SLC39A11: variants seen among roughly 807,000 people sequenced by gnomAD.
The protein encoded by SLC39A11 is zinc transporter ZIP11.
In SLC39A11, 33 loss-of-function variants were observed where a neutral mutation model predicts 36.1. The ratio of observed to expected loss-of-function variants is 0.91; its 90% CI spans 0.69 to 1.22. The LOEUF is 1.22. Ranked by LOEUF, SLC39A11 falls within the 50% of genes most tolerant of loss-of-function variation. The probability of loss-of-function intolerance (pLI) is 0.00; values close to 1 mark genes in which losing one functional copy is unlikely to be tolerated. For synonymous variants in SLC39A11, 166 were observed against 170.3 expected (o/e 0.97, Z 0.20); for missense variants, 432 against 430.3 (o/e 1.00, Z -0.03).
chr17:72,991,362 A>AT lies in SLC39A11; in HGVS notation c.306+40193dup, dbSNP rs567932815. 9.6e-3 allele frequency among the ~76,000 whole-genome samples: 1,397 copies of AT among 146,140 alleles called. 28 individuals carry two copies. The highest frequency in any genetic ancestry group is 0.068 in the South Asian group (316 of 4,618). ...TTTTGTTATTTTTATTTATTTTTTAATTTTTTTTTTTTTGAGATGGAGCCT... is the reference window on the plus strand; with the variant it reads ...TTTTGTTATTTTTATTTATTTTTTAATTTTTTTTTTTTTTGAGATGGAGCCT... On this transcript the variant is annotated intron_variant, in intron 4 of 9. Coordinates refer to ENST00000255559, the MANE Select transcript of SLC39A11 (RefSeq NM_139177.4).
chr17:72,953,715 C>T lies in SLC39A11; in HGVS notation c.307-5840G>A, dbSNP rs139254687. On this transcript the variant is annotated intron_variant, in intron 4 of 9. Coordinates refer to ENST00000255559, the MANE Select transcript of SLC39A11 (RefSeq NM_139177.4). Reference sequence around the variant, plus strand: ...CAGACCCTGCAGCCCTCAAACCTTGCTGCAAGCAGCTTGGTGCATCTGCTC... The same window carrying T: ...CAGACCCTGCAGCCCTCAAACCTTGTTGCAAGCAGCTTGGTGCATCTGCTC... Among the ~76,000 whole-genome samples, 764 of 152,360 alleles carry T rather than the reference C, an allele frequency of 5.0e-3. 7 individuals carry two copies. The highest frequency in any genetic ancestry group is 0.017 in the African/African-American group (695 of 41,586).
chr17:72,798,414 CTTTCTT>C (rs2076970459), intron 6 of SLC39A11, among the ~76,000 whole-genome samples: 1 of 140,634 alleles, frequency 7.1e-6, no homozygotes, highest in Non-Finnish European at 1.5e-5. Context: ...CCACTTCTTT[CTTTCTT>C]TTTTTTTTTT....
At chr17:73,003,310 C>T (rs1303470192) in intron 4 of SLC39A11, among the ~76,000 whole-genome samples, 1 of 152,190 alleles carries the variant, frequency 6.6e-6, no homozygotes, top group Non-Finnish European at 1.5e-5. Context: ...ATCATTACAA[C>T]AGAAATTGAG....
chr17:72,666,428 C>T (rs2070758008), intron 7 of SLC39A11, among the ~76,000 whole-genome samples: 1 of 152,308 alleles, frequency 6.6e-6, no homozygotes, highest in South Asian at 2.1e-4. Flanking sequence ...TTTCTACCCG[C>T]AAAACAATCT....
intron 6 of SLC39A11, among the ~76,000 whole-genome samples, chr17:72,840,137 T>C (rs898832209): frequency 2.8e-5 from 4 of 141,606 alleles, no homozygotes; most frequent in Non-Finnish European, 6.2e-5. Context: ...AAACAAAAAA[T>C]CACTTTGGAT....
intron 4 of SLC39A11, among the ~76,000 whole-genome samples, chr17:73,009,336 C>A (rs2090382312): frequency 8.2e-6 from 1 of 121,588 alleles, no homozygotes. Context: ...TCCTGGGGGA[C>A]AGAGCGAGAC....
At chr17:72,680,853 A>G (rs2071481198) in intron 7 of SLC39A11, among the ~76,000 whole-genome samples, 2 of 152,152 alleles carry the variant, frequency 1.3e-5, no homozygotes, top group South Asian at 2.1e-4. Context: ...TTGCTTATCC[A>G]TTCATCCACT....
chr17:72,709,972 TC>T (rs1373363636), intron 7 of SLC39A11, among the ~76,000 whole-genome samples: 1 of 152,232 alleles, frequency 6.6e-6, no homozygotes, highest in Non-Finnish European at 1.5e-5. Flanking sequence ...GGTTTTATTT[TC>T]AATTATAATT....
At chr17:72,774,670 G>T (rs914267856) in intron 6 of SLC39A11, among the ~76,000 whole-genome samples, 1 of 152,080 alleles carries the variant, frequency 6.6e-6, no homozygotes, top group African/African-American at 2.4e-5. Context: ...TCAATCAGCC[G>T]GGCAGTGACC....
chr17:72,801,506 C>T (rs1301783934), intron 6 of SLC39A11, among the ~76,000 whole-genome samples: 2 of 152,208 alleles, frequency 1.3e-5, no homozygotes, highest in Non-Finnish European at 2.9e-5. Context: ...GGATTTCAGG[C>T]ATGAGCCACT....
intron 3 of SLC39A11, among the ~76,000 whole-genome samples, chr17:73,039,307 C>G (rs2059031144): frequency 1.3e-5 from 2 of 152,122 alleles, no homozygotes; most frequent in African/African-American, 4.8e-5. Flanking sequence ...CGCTATACCC[C>G]ACTTCTAAGG....
chr17:72,766,210 G>C (rs1482317843), intron 6 of SLC39A11, among the ~76,000 whole-genome samples: 1 of 152,126 alleles, frequency 6.6e-6, no homozygotes, highest in East Asian at 1.9e-4. Context: ...GGTTACAAGG[G>C]AGAGGCTTCC....
chr17:72,820,065 G>A lies in SLC39A11; in HGVS notation c.601+29569C>T, dbSNP rs144187615. ...CTTCCTTCCGATTGACAACGAGCAC[G>A]CCAAAGCCAGAAAACAAGTGACTTC... is the stretch of plus-strand genomic sequence containing the variant. On this transcript the variant is annotated intron_variant, in intron 6 of 9. Coordinates refer to ENST00000255559, the MANE Select transcript of SLC39A11 (RefSeq NM_139177.4). Among the ~76,000 whole-genome samples the A allele has an allele frequency of 1.2e-4, 18 of 151,368 alleles. 1 individual carries two copies. The East Asian group carries it at 2.5e-3, about 21-fold the overall frequency.
intron 5 of SLC39A11, among the ~76,000 whole-genome samples, chr17:72,900,813 C>T (rs564916460): frequency 6.6e-6 from 1 of 152,242 alleles, no homozygotes; most frequent in Non-Finnish European, 1.5e-5. Flanking sequence ...GCTGGGAAAG[C>T]AGACACTAAT....
rs751542924 is a variant in SLC39A11, at chr17:72,819,541, C to T, written c.601+30093G>A. 2.2e-4 allele frequency among the ~76,000 whole-genome samples: 33 copies of T among 151,436 alleles called. 1 individual carries two copies. The highest frequency in any genetic ancestry group is 6.8e-3 in the Middle Eastern group (2 of 294). ...TGCTCAGCAGGGAACCATGCAAAGT[C>T]CTTCTCTACTTCAGGCAGGAACAAA... On this transcript the variant is annotated intron_variant, in intron 6 of 9. Transcript: ENST00000255559.
Position 72,663,399 on chromosome 17 carries a change from T to C in SLC39A11, c.672-14131A>G, listed in dbSNP as rs543906760. Among the ~76,000 whole-genome samples, 5 of 152,242 alleles carry C rather than the reference T, an allele frequency of 3.3e-5. No homozygotes were observed. In the East Asian group the frequency reaches 9.6e-4, roughly 29 times the overall value. On this transcript the variant is annotated intron_variant, in intron 7 of 9. Coordinates refer to ENST00000255559, the MANE Select transcript of SLC39A11 (RefSeq NM_139177.4). ...GCAGATCCGCCTGCGTTGTACAGGA[T>C]AACGTTTCAGAAACTAAGCAAACCC...
intron 5 of SLC39A11, among the ~76,000 whole-genome samples, chr17:72,909,441 G>A (rs371770784): frequency 4.7e-4 from 72 of 152,256 alleles, no homozygotes; most frequent in Non-Finnish European, 7.3e-4. Context: ...CCCATCAGAC[G>A]GGTCTCCATG....
chr17:72,734,626 C>T (rs1318997177), intron 7 of SLC39A11, among the ~76,000 whole-genome samples: 1 of 152,202 alleles, frequency 6.6e-6, no homozygotes, highest in Non-Finnish European at 1.5e-5. Flanking sequence ...AATATTTTTG[C>T]TCCACTTTCT....
At position 73,011,424 on chromosome 17, in the gene SLC39A11, G is replaced by A. The variant is rs535814432; in HGVS notation, c.306+20132C>T. On this transcript the variant is annotated intron_variant, in intron 4 of 9. Coordinates refer to ENST00000255559, the MANE Select transcript of SLC39A11 (RefSeq NM_139177.4). ...TGGAAGGTAGAGGAGCCCTTGAAGG[G>A]GTTTCAGCCAGAAACACAATCAGAC... 5.9e-5 allele frequency among the ~76,000 whole-genome samples: 9 copies of A among 152,212 alleles called. No individual in the cohort carries two copies. The South Asian group carries it at 1.7e-3, about 28-fold the overall frequency.
Sources: gnomAD v4.1 joint callset for allele counts (sites outside exome capture counted in the v4.1 genomes callset) on GRCh38, gnomAD v4.1.1 for gene constraint, MANE v1.5 for transcripts, NCBI Gene and HGNC (gene_info 2026-07-23, HGNC 2026-07-21) for gene names.